Variants in CLNK observed in about 807,000 individuals in gnomAD.
CLNK encodes the protein cytokine dependent hematopoietic cell linker, also known as cytokine-dependent hematopoietic cell linker.
In CLNK, 74 loss-of-function variants were observed where a neutral mutation model predicts 68.6. That is an observed-to-expected ratio of 1.08 (90% CI 0.89 to 1.31). CLNK has a LOEUF of 1.31. Among genes scored for constraint, CLNK ranks in the 50% most tolerant of loss-of-function variants. CLNK has a pLI of 0.00. For synonymous variants in CLNK, 198 were observed against 172.2 expected, an observed-to-expected ratio of 1.15 and a Z score of -1.17; for missense variants, 553 against 515.3, an observed-to-expected ratio of 1.07 and a Z score of -0.71.
At chr4:10,616,932 C>T (rs370392659) in intron 2 of CLNK, among the ~76,000 whole-genome samples, 3 of 151,522 alleles carry the variant, frequency 2.0e-5, no homozygotes, top group Admixed American at 6.6e-5. Flanking sequence ...TGTGGTAGAA[C>T]GAACTCAGCT....
At chr4:10,641,602 C>T (rs1577190724) in intron 2 of CLNK, among the ~76,000 whole-genome samples, 1 of 152,310 alleles carries the variant, frequency 6.6e-6, no homozygotes, top group South Asian at 2.1e-4. Flanking sequence ...ATATAGACAG[C>T]TCTTAGCTTT....
At chr4:10,491,293 C>A (rs778626929) in intron 18 of CLNK, among the ~76,000 whole-genome samples, 37 of 152,332 alleles carry the variant, frequency 2.4e-4, no homozygotes, top group Non-Finnish European at 2.4e-4. Flanking sequence ...AATTACACAG[C>A]AATCAAGCCT....
intron 15 of CLNK, among the ~76,000 whole-genome samples, 184 bp downstream of exon 15, chr4:10,520,607 C>CAAGAGGAAAAA (rs1242920651): frequency 3.3e-5 from 5 of 152,166 alleles, no homozygotes; most frequent in Non-Finnish European, 7.3e-5. Context: ...CTAGAAACCA[C>CAAGAGGAAAAA]CTAAGTGATC....
intron 3 of CLNK, among the ~76,000 whole-genome samples, chr4:10,586,748 T>C (rs1720984018): frequency 6.6e-6 from 1 of 152,222 alleles, no homozygotes; most frequent in Non-Finnish European, 1.5e-5. Context: ...GATATTCTTA[T>C]GCATGGAATG....
rs140564921 is a variant in CLNK, at chr4:10,533,937, A to C, written c.603-1654T>G. Among the ~76,000 whole-genome samples the C allele has an allele frequency of 3.9e-5, 6 of 152,366 alleles. No homozygotes were observed. The East Asian group carries it at 1.2e-3, about 29-fold the overall frequency. ...GTTAAAGTTTTGCTGGCTAGCATTT[A>C]AACCTACCCTGTCAACATTAGAAGT... On this transcript the variant is annotated intron_variant, in intron 11 of 18. Coordinates refer to ENST00000226951, the MANE Select transcript of CLNK (RefSeq NM_052964.4).
chr4:10,581,653 TA>T (rs1270984351), intron 4 of CLNK, among the ~76,000 whole-genome samples: 8 of 65,556 alleles, frequency 1.2e-4, no homozygotes, highest in Non-Finnish European at 3.3e-4. Context: ...CCAGGACCTT[TA>T]ATTTTTTTTT....
At chr4:10,599,855 C>T (rs1208315877) in intron 2 of CLNK, among the ~76,000 whole-genome samples, 1 of 152,206 alleles carries the variant, frequency 6.6e-6, no homozygotes, top group Non-Finnish European at 1.5e-5. Flanking sequence ...TATCTCTAGG[C>T]TGACCTCCAG....
Position 10,513,552 on chromosome 4 carries a change from G to A in CLNK, c.818C>T (p.Pro273Leu), listed in dbSNP as rs1717696491. Residue 273 changes from proline (P) to leucine (L), a missense_variant, in exon 16 of 19, where the codon CCT becomes CTT. By Grantham distance (98) the Pro-to-Leu change is moderately conservative. Transcript: ENST00000226951. The part of the protein sequence containing the change: ...MQPCSPQRCQ[P>L]PASCSPHENI... ...TTCGTGAGGGCTGCAGCTGGCTGGAGGCTGGCATCTCTGAGGAGAACAGGG... is the reference window on the plus strand; with the variant it reads ...TTCGTGAGGGCTGCAGCTGGCTGGAAGCTGGCATCTCTGAGGAGAACAGGG... 3 of 1,608,708 alleles carry A rather than the reference G, an allele frequency of 1.9e-6. No individual in the cohort carries two copies. Among genetic ancestry groups the A allele is most frequent in the East Asian group, 4.5e-5 (2 of 44,760 alleles).
At chr4:10,532,149 G>T in intron 12 of CLNK, 107 bp downstream of exon 12, 6 of 823,994 alleles carry the variant, frequency 7.3e-6, no homozygotes, top group South Asian at 7.1e-5. Flanking sequence ...CATAGCTATT[G>T]TGAGAACTAA....
rs2531191 is a variant in CLNK at position 10,615,596 on chromosome 4, C to T, written c.12-17547G>A. On this transcript the variant is annotated intron_variant, in intron 2 of 18. Transcript: ENST00000226951. ...AGAGCAAAGAAGAGCCAGTAGAGTT[C>T]TCCATGCACCTGCTCCAGGTATAGA... Among the ~76,000 whole-genome samples, 992 of 152,246 alleles carry T rather than the reference C, an allele frequency of 6.5e-3. 7 individuals are homozygous for T. Among genetic ancestry groups the T allele is most frequent in the Middle Eastern group, 0.027 (8 of 294 alleles).
At chr4:10,674,046 C>A (rs976265284) in intron 1 of CLNK, among the ~76,000 whole-genome samples, 1 of 152,208 alleles carries the variant, frequency 6.6e-6, no homozygotes, top group African/African-American at 2.4e-5. Flanking sequence ...GAGGTGTCAT[C>A]TGTCAGTTTT....
intron 18 of CLNK, among the ~76,000 whole-genome samples, chr4:10,494,821 A>T (rs1223113754): frequency 6.6e-6 from 1 of 152,144 alleles, no homozygotes; most frequent in Non-Finnish European, 1.5e-5. Flanking sequence ...CCCTGAAGAG[A>T]CTTTTTAAAA....
chr4:10,598,117 C>T, intron 2 of CLNK, 68 bp from the exon 3 acceptor site: 1 of 1,054,486 alleles, frequency 9.5e-7, no homozygotes. Flanking sequence ...TAATTAAGTG[C>T]ATTCATTCAT....
chr4:10,734,686 G>A, the CLNK span, among the ~76,000 whole-genome samples: 1 of 152,208 alleles, frequency 6.6e-6, no homozygotes, highest in Admixed American at 6.5e-5. Flanking sequence ...TCTTCAGAAA[G>A]CTCATCCCTT....
the CLNK span, among the ~76,000 whole-genome samples, chr4:10,694,167 C>A: frequency 1.3e-5 from 2 of 151,714 alleles, no homozygotes; most frequent in Middle Eastern, 3.4e-3. Context: ...GCAGAAGCAC[C>A]AATGACATAA....
chr4:10,542,267 T>C lies in CLNK; in HGVS notation c.459A>G (p.Val153=). ...RSQNIKGDAS[V]RKNKIPLPPP... ...TGATTTCTCTTACCTTGTTCTTTCT[T>C]ACGGATGCATCTCCTAAAACATAAG... Residue 153 remains valine (V), a synonymous_variant, in exon 9 of 19, where the codon GTA becomes GTG. Transcript: ENST00000226951. The C allele has an allele frequency of 6.5e-7, 1 of 1,535,424 alleles. No homozygotes were observed. The highest frequency in any genetic ancestry group is 1.9e-5 in the Admixed American group (1 of 53,148).
intron 17 of CLNK, among the ~76,000 whole-genome samples, chr4:10,507,414 T>G (rs917683584): frequency 6.6e-6 from 1 of 151,394 alleles, no homozygotes; most frequent in East Asian, 1.9e-4. Flanking sequence ...TCCGGTCCTC[T>G]CCATGTTTTT....
At chr4:10,535,035 A>G (rs1441637856) in intron 11 of CLNK, among the ~76,000 whole-genome samples, 3 of 152,138 alleles carry the variant, frequency 2.0e-5, no homozygotes, top group African/African-American at 7.2e-5. Context: ...AATTGATGTG[A>G]TGCCAGCATT....
intron 3 of CLNK, among the ~76,000 whole-genome samples, chr4:10,595,915 T>C (rs1314826138): frequency 6.6e-6 from 1 of 152,222 alleles, no homozygotes; most frequent in East Asian, 1.9e-4. Flanking sequence ...CATTATTTAA[T>C]GAGAACCTAC....
Sources: gnomAD v4.1 joint callset for allele counts (sites outside exome capture counted in the v4.1 genomes callset) on GRCh38, gnomAD v4.1.1 for gene constraint, MANE v1.5 for transcripts, NCBI Gene and HGNC (gene_info 2026-07-23, HGNC 2026-07-21) for gene names.